Variants in NADSYN1 observed in about 807,000 individuals in gnomAD.
NADSYN1 encodes the protein glutamine-dependent NAD(+) synthetase.
A neutral mutation model predicts 99.3 loss-of-function variants in NADSYN1; 80 were observed. That is an observed-to-expected ratio of 0.81 (90% CI 0.67 to 0.97). The LOEUF is 0.97. Among genes scored for constraint, NADSYN1 ranks in the 50% least tolerant of loss-of-function variants. The pLI is 0.00. For missense variants in NADSYN1, 859 were observed against 948.5 expected, an observed-to-expected ratio of 0.91 and a Z score of 1.24; for synonymous variants, 385 against 372.1, an observed-to-expected ratio of 1.03 and a Z score of -0.40.
At chr11:71,474,578 G>A (rs751704200) in intron 9 of NADSYN1, 52 bp downstream of exon 9, 64 of 1,610,748 alleles carry the variant, frequency 4.0e-5, no homozygotes, top group South Asian at 1.2e-4. Flanking sequence ...TGCAGAGACC[G>A]AGCTCCTGGC....
At chr11:71,487,175 A>G (rs892232748) in intron 16 of NADSYN1, among the ~76,000 whole-genome samples, 1 of 152,286 alleles carries the variant, frequency 6.6e-6, no homozygotes, top group Non-Finnish European at 1.5e-5. Context: ...CTAATTACAG[A>G]AATTTGAAAT....
intron 1 of NADSYN1, 133 bp from the exon 2 acceptor site, chr11:71,454,977 G>T: frequency 1.5e-6 from 1 of 670,850 alleles, no homozygotes; most frequent in East Asian, 2.7e-5. Flanking sequence ...ATCCCGTCTG[G>T]GAAGGCACAG....
chr11:71,494,273 C>T (rs1591136631), intron 18 of NADSYN1, among the ~76,000 whole-genome samples: 2 of 152,114 alleles, frequency 1.3e-5, no homozygotes. Flanking sequence ...TTTTATCGTC[C>T]CTTTTCTACA....
intron 3 of NADSYN1, among the ~76,000 whole-genome samples, chr11:71,462,899 C>T (rs1160307952): frequency 6.6e-6 from 1 of 152,186 alleles, no homozygotes; most frequent in African/African-American, 2.4e-5. Flanking sequence ...AGCCAGGCCG[C>T]CCTCTCCTGC....
intron 9 of NADSYN1, chr11:71,476,777 A>G (rs1337615493): frequency 1.0e-6 from 1 of 985,598 alleles, no homozygotes; most frequent in Non-Finnish European, 1.2e-6. Flanking sequence ...TGTGTTGGCA[A>G]TCAATCACCT....
In NADSYN1 at chr11:71,501,663, T is replaced by G; in HGVS notation, c.*311T>G. 2.5e-6 allele frequency: 1 copy of G among 400,844 alleles called. No homozygotes were observed. The highest frequency in any genetic ancestry group is 4.5e-6 in the Non-Finnish European group (1 of 221,004). 24.8% of individuals were successfully genotyped at this position (400,844 alleles called of 1,614,324 possible). The stretch of plus-strand genomic sequence containing the variant: ...TCCAACCGCCGCCCCGTGTGGCATC[T>G]TTGCTGCAGGAACAAGAACAGTAGC... On this transcript the variant is annotated 3_prime_UTR_variant, in exon 21 of 21. Transcript: ENST00000319023.
intron 1 of NADSYN1, among the ~76,000 whole-genome samples, chr11:71,453,896 G>A (rs1949496774): frequency 6.6e-6 from 1 of 152,196 alleles, no homozygotes; most frequent in Non-Finnish European, 1.5e-5. Flanking sequence ...CCTGAGGTCA[G>A]GAGTTCAAGA....
At chr11:71,461,966 G>C (rs1421272465) in intron 3 of NADSYN1, among the ~76,000 whole-genome samples, 1 of 152,208 alleles carries the variant, frequency 6.6e-6, no homozygotes, top group Admixed American at 6.5e-5. Flanking sequence ...AGCCAGGACC[G>C]GGGCAGGCAG....
intron 16 of NADSYN1, among the ~76,000 whole-genome samples, chr11:71,486,430 TCCATCCAC>T (rs1215432599): frequency 2.0e-5 from 3 of 151,912 alleles, no homozygotes; most frequent in Admixed American, 1.3e-4. Flanking sequence ...CATTCATCCA[TCCATCCAC>T]CCATCCACCC....
At chr11:71,481,029 G>A (rs755361548) in intron 11 of NADSYN1, 150 bp downstream of exon 11, 92 of 1,076,654 alleles carry the variant, frequency 8.5e-5, no homozygotes, top group East Asian at 3.1e-4. Flanking sequence ...GGTTGAGGGC[G>A]TGGATGCTAG....
At chr11:71,479,087 G>A in intron 10 of NADSYN1, 1 of 154,078 alleles carries the variant, frequency 6.5e-6, no homozygotes, top group Admixed American at 6.3e-5. Context: ...CTCTTCTGCT[G>A]TTGATTGATT....
At position 71,453,300 on chromosome 11, in the gene NADSYN1, G is replaced by A. The variant is rs769579994; in HGVS notation, c.4G>A (p.Gly2Ser). ...TGCCCAAGCGACTGCGGCCAGGATG[G>A]GCCGGAAGGTGACCGTGGCCACCTG... MGRKVTVATCAL... is the reference protein window; with the variant it reads MSRKVTVATCAL... The change falls in exon 1 of 21, where the codon GGC becomes AGC. Residue 2 changes from glycine to serine, a missense_variant. Transcript: ENST00000319023. 6.2e-7 allele frequency: 1 copy of A among 1,613,570 alleles called. No individual in the cohort carries two copies. The highest frequency in any genetic ancestry group is 8.5e-7 in the Non-Finnish European group (1 of 1,179,680).
At chr11:71,474,847 C>T (rs1052892442) in intron 9 of NADSYN1, 7 of 378,044 alleles carry the variant, frequency 1.9e-5, no homozygotes, top group African/African-American at 8.4e-5. Context: ...CTCCCGCCCT[C>T]GGGTCTGGAG....
chr11:71,495,610 G>A (rs1375318474), intron 18 of NADSYN1, among the ~76,000 whole-genome samples: 1 of 152,218 alleles, frequency 6.6e-6, no homozygotes, highest in Non-Finnish European at 1.5e-5. Context: ...ATTATTGAAA[G>A]TGGGGTATTG....
At chr11:71,459,104 G>C (rs931423870) in intron 3 of NADSYN1, 1 of 163,870 alleles carries the variant, frequency 6.1e-6, no homozygotes, top group Non-Finnish European at 1.3e-5. Flanking sequence ...GCTGTACCCT[G>C]CATAGCTGGT....
chr11:71,493,348 T>C (rs1306056408), intron 18 of NADSYN1, among the ~76,000 whole-genome samples: 1 of 151,772 alleles, frequency 6.6e-6, no homozygotes, highest in Admixed American at 6.6e-5. Flanking sequence ...TGCTAGTTTA[T>C]AGAGAAACAC....
At position 71,458,441 on chromosome 11, in the gene NADSYN1, T is replaced by G; in HGVS notation, c.160T>G (p.Trp54Gly). Reference sequence around the variant, plus strand: ...CTGTCTCTGCAGCGGCTACGGATGTTGGGATCATTATTACGAGTCGGACAC... The same window carrying G: ...CTGTCTCTGCAGCGGCTACGGATGTGGGGATCATTATTACGAGTCGGACAC... ...PELEICGYGC[W>G]DHYYESDTLL... The change falls in exon 3 of 21, where the codon TGG becomes GGG. Residue 54 changes from tryptophan (W) to glycine (G), a missense_variant. Trp to Gly is a radical substitution (Grantham distance 184). Transcript: ENST00000319023. 6.2e-7 allele frequency: 1 copy of G among 1,613,842 alleles called. No homozygotes were observed. The highest frequency in any genetic ancestry group is 8.5e-7 in the Non-Finnish European group (1 of 1,179,730).
At position 71,458,408 on chromosome 11, in the gene NADSYN1, C is replaced by A; in HGVS notation, c.147-20C>A. ...TCACCTGAGTTGTTTCTGGAGCTCA[C>A]CTTCTCACTGTCTCTGCAGCGGCTA... On this transcript the variant is annotated intron_variant, in intron 2 of 20. Transcript: ENST00000319023. The A allele has an allele frequency of 6.3e-7, 1 of 1,594,490 alleles. No homozygotes were observed. The highest frequency in any genetic ancestry group is 8.6e-7 in the Non-Finnish European group (1 of 1,162,120).
At chr11:71,477,479 A>G in intron 9 of NADSYN1, 1 of 1,282,886 alleles carries the variant, frequency 7.8e-7, no homozygotes, top group Non-Finnish European at 1.0e-6. Context: ...AGGGGCGCGC[A>G]AGGTGGCCAC....
Sources: gnomAD v4.1 joint callset for allele counts (sites outside exome capture counted in the v4.1 genomes callset) on GRCh38, gnomAD v4.1.1 for gene constraint, MANE v1.5 for transcripts, NCBI Gene and HGNC (gene_info 2026-07-23, HGNC 2026-07-21) for gene names.